DYNLT2B: variants seen among roughly 807,000 people sequenced by gnomAD.
The protein encoded by DYNLT2B is dynein light chain Tctex-type 2B.
DYNLT2B carries 14 observed loss-of-function variants against 19.5 expected under a neutral mutation model. The ratio of observed to expected loss-of-function variants is 0.72; its 90% CI spans 0.47 to 1.12. The LOEUF is 1.12. Among genes scored for constraint, DYNLT2B ranks in the 50% most tolerant of loss-of-function variants. The probability of loss-of-function intolerance (pLI) is 0.00; values close to 1 mark genes in which losing one functional copy is unlikely to be tolerated. For missense variants in DYNLT2B, 133 were observed against 174.7 expected (o/e 0.76, Z 1.35); for synonymous variants, 70 against 59.7 (o/e 1.17, Z -0.79).
chr3:196,291,882 G>T (rs1205144180), intron 4 of DYNLT2B, among the ~76,000 whole-genome samples: 2 of 152,176 alleles, frequency 1.3e-5, no homozygotes, highest in African/African-American at 2.4e-5. Flanking sequence ...AAAATTGCTT[G>T]CTAAAAGGTT....
chr3:196,293,879 A>G (rs1204336155), intron 4 of DYNLT2B, among the ~76,000 whole-genome samples: 20 of 149,998 alleles, frequency 1.3e-4, no homozygotes, highest in Non-Finnish European at 1.5e-5. Context: ...TCTTGACCTC[A>G]TGATCCGCCC....
At chr3:196,298,013 G>A (rs147917279) in intron 3 of DYNLT2B, 354 of 170,070 alleles carry the variant, frequency 2.1e-3, no homozygotes, top group African/African-American at 8.2e-3. Flanking sequence ...TAAGATGGCC[G>A]TGACCTTGAT....
At chr3:196,306,090 T>C (rs1726476753) in intron 3 of DYNLT2B, among the ~76,000 whole-genome samples, 1 of 151,900 alleles carries the variant, frequency 6.6e-6, no homozygotes, top group African/African-American at 2.4e-5. Flanking sequence ...TGGACCTTGT[T>C]TGAATCTTAA....
chr3:196,297,109 GGCGGAGCTTGCA>G (rs1726242489), intron 3 of DYNLT2B, among the ~76,000 whole-genome samples: 1 of 148,860 alleles, frequency 6.7e-6, no homozygotes, highest in Non-Finnish European at 1.5e-5. Flanking sequence ...GAACCTGGGA[GGCGGAGCTTGCA>G]GTGACCTGAG....
chr3:196,307,043 C>A, intron 2 of DYNLT2B, 31 bp from the exon 3 acceptor site: 1 of 1,588,770 alleles, frequency 6.3e-7, no homozygotes, highest in Non-Finnish European at 8.6e-7. Context: ...TATTTATAAG[C>A]AAATATGTAG....
chr3:196,300,716 T>C (rs11928946), intron 3 of DYNLT2B, among the ~76,000 whole-genome samples: 103,791 of 134,158 alleles, frequency 0.77, 39,912 homozygotes, highest in East Asian at 0.9. Context: ...GCAACAAGAA[T>C]GAAACTCTGT....
At chr3:196,297,848 T>C (rs4916425) in intron 3 of DYNLT2B, among the ~76,000 whole-genome samples, 48,403 of 151,996 alleles carry the variant, frequency 0.32, 8,818 homozygotes, top group East Asian at 0.83. Flanking sequence ...CCTTATATTA[T>C]ATTGGTTCTT....
At chr3:196,316,388 G>C (rs552080337) in intron 1 of DYNLT2B, among the ~76,000 whole-genome samples, 157 bp from the exon 2 acceptor site, 131 of 151,846 alleles carry the variant, frequency 8.6e-4, no homozygotes, top group African/African-American at 2.9e-3. Context: ...ACAAATCATA[G>C]GCCACATGTG....
chr3:196,303,052 C>A (rs2108793192), intron 3 of DYNLT2B, among the ~76,000 whole-genome samples: 1 of 152,250 alleles, frequency 6.6e-6, no homozygotes, highest in Non-Finnish European at 1.5e-5. Flanking sequence ...AAGATCAGCG[C>A]TTGAGATATT....
At chr3:196,308,580 GGAAA>G in intron 2 of DYNLT2B, among the ~76,000 whole-genome samples, 1 of 152,272 alleles carries the variant, frequency 6.6e-6, no homozygotes, top group Non-Finnish European at 1.5e-5. Flanking sequence ...AAGGAATAGT[GGAAA>G]GAGTTTTAAA....
chr3:196,292,715 G>A (rs560741886), intron 4 of DYNLT2B, among the ~76,000 whole-genome samples: 1 of 152,124 alleles, frequency 6.6e-6, no homozygotes, highest in African/African-American at 2.4e-5. Flanking sequence ...CACTGTGAGT[G>A]GCCCTGTTCT....
chr3:196,312,756 G>T (rs1726676396), intron 2 of DYNLT2B, among the ~76,000 whole-genome samples: 1 of 152,200 alleles, frequency 6.6e-6, no homozygotes, highest in African/African-American at 2.4e-5. Context: ...ACCGCGCCTG[G>T]CCCATAGTAT....
At chr3:196,303,973 C>A (rs1170829817) in intron 3 of DYNLT2B, among the ~76,000 whole-genome samples, 3 of 152,134 alleles carry the variant, frequency 2.0e-5, no homozygotes, top group Non-Finnish European at 4.4e-5. Flanking sequence ...CAGTGAGCCA[C>A]GGTTGCACCA....
chr3:196,316,534 G>C (rs1261138454), intron 1 of DYNLT2B, among the ~76,000 whole-genome samples: 1 of 151,678 alleles, frequency 6.6e-6, no homozygotes, highest in African/African-American at 2.4e-5. Flanking sequence ...ATATATACTT[G>C]TTGTTAATTT....
rs567904387 is a variant in DYNLT2B at position 196,317,760 on chromosome 3, T to C, written c.113+280A>G. On this transcript the variant is annotated intron_variant, in intron 1 of 4. Transcript: ENST00000325318. Reference sequence around the variant, plus strand: ...ACCCATCTCCTTACTCAGGACGCCATCGCGGGTTTCCCAGGGCCAACCATT... The same window carrying C: ...ACCCATCTCCTTACTCAGGACGCCACCGCGGGTTTCCCAGGGCCAACCATT... 3.4e-4 allele frequency among the ~76,000 whole-genome samples: 52 copies of C among 152,228 alleles called. 1 individual carries two copies. The highest frequency in any genetic ancestry group is 1.2e-3 in the African/African-American group (51 of 41,564).
At chr3:196,317,598 AGAT>A (rs1726910129) in intron 1 of DYNLT2B, among the ~76,000 whole-genome samples, 1 of 152,114 alleles carries the variant, frequency 6.6e-6, no homozygotes, top group South Asian at 2.1e-4. Context: ...AAGGGCCTCC[AGAT>A]CCCACCCGGG....
At chr3:196,293,717 T>C (rs377635750) in intron 4 of DYNLT2B, among the ~76,000 whole-genome samples, 8 of 140,452 alleles carry the variant, frequency 5.7e-5, no homozygotes, top group African/African-American at 1.0e-4. Context: ...CAATCTCGCC[T>C]CACTGCAACC....
In DYNLT2B at chr3:196,316,106, T is replaced by A; in HGVS notation, c.239A>T (p.Lys80Ile). 1.2e-6 allele frequency: 2 copies of A among 1,613,466 alleles called. No homozygotes were observed. Among genetic ancestry groups the A allele is most frequent in the Non-Finnish European group, 1.7e-6 (2 of 1,179,638 alleles). Residue 80 changes from lysine (K) to isoleucine (I), a missense_variant, in exon 2 of 5, where the codon AAA becomes ATA. Lys to Ile is a moderately radical substitution (Grantham distance 102). Coordinates refer to ENST00000325318, the MANE Select transcript of DYNLT2B (RefSeq NM_152773.5). ...GTTATCACCATGATTACCTTTTAAT[T>A]TATCTTTAATGTTTTCTGATAAATG... ...TKHLSENIKD[K>I]LKEMGFDRYK...
chr3:196,310,109 CT>C (rs796738480), intron 2 of DYNLT2B, among the ~76,000 whole-genome samples: 5 of 93,454 alleles, frequency 5.4e-5, no homozygotes, highest in Admixed American at 1.6e-4. Flanking sequence ...AATTTTTTAA[CT>C]TTTTTTTTGG....
Sources: gnomAD v4.1 joint callset for allele counts (sites outside exome capture counted in the v4.1 genomes callset) on GRCh38, gnomAD v4.1.1 for gene constraint, MANE v1.5 for transcripts, NCBI Gene and HGNC (gene_info 2026-07-23, HGNC 2026-07-21) for gene names.